The following SLC2A5 variants were observed in gnomAD, a reference collection of about 807,000 sequenced individuals.
SLC2A5 encodes solute carrier family 2, facilitated glucose transporter member 5.
Under a neutral mutation model 50.3 loss-of-function variants are expected in SLC2A5, and 56 were observed. The observed-to-expected ratio is 1.11, with a 90% CI of 0.90 to 1.39. The LOEUF is 1.39. Ranked by LOEUF, SLC2A5 falls within the 40% of genes most tolerant of loss-of-function variation. SLC2A5 has a pLI of 0.00. For synonymous variants in SLC2A5, 269 were observed against 281.9 expected, an observed-to-expected ratio of 0.95 and a Z score of 0.46; for missense variants, 566 against 650.1, an observed-to-expected ratio of 0.87 and a Z score of 1.41.
At chr1:9,080,370 T>C (rs945724592) in intron 2 of SLC2A5, among the ~76,000 whole-genome samples, 4 of 152,208 alleles carry the variant, frequency 2.6e-5, no homozygotes, top group Non-Finnish European at 5.9e-5. Flanking sequence ...TATTTTTAAT[T>C]TTTTTTAGGA....
intron 4 of SLC2A5, among the ~76,000 whole-genome samples, chr1:9,046,841 T>C (rs912493764): frequency 2.6e-5 from 4 of 152,134 alleles, no homozygotes; most frequent in Non-Finnish European, 5.9e-5. Context: ...CCAAATCTCA[T>C]CTCAAATTGT....
chr1:9,041,749 A>G (rs1172357886), intron 5 of SLC2A5, 36 bp downstream of exon 5: 1 of 1,613,938 alleles, frequency 6.2e-7, no homozygotes, highest in Non-Finnish European at 8.5e-7. Context: ...GTAGTGGTGA[A>G]GGGGTGGGGG....
chr1:9,050,624 C>A (rs562493869), intron 3 of SLC2A5, among the ~76,000 whole-genome samples: 1 of 151,846 alleles, frequency 6.6e-6, no homozygotes, highest in Non-Finnish European at 1.5e-5. Context: ...TAGAAGATAG[C>A]TTAGGAAAAA....
At chr1:9,051,790 AC>A (rs1374662649) in intron 3 of SLC2A5, among the ~76,000 whole-genome samples, 3 of 152,020 alleles carry the variant, frequency 2.0e-5, no homozygotes, top group Non-Finnish European at 4.4e-5. Flanking sequence ...CTTGGTATTT[AC>A]CCAAAGGAGC....
chr1:9,038,012 G>A lies in SLC2A5; in HGVS notation c.1187C>T (p.Ala396Val), dbSNP rs775719778. 38 of 1,613,706 alleles carry A rather than the reference G, an allele frequency of 2.4e-5. No individual in the cohort carries two copies. Among genetic ancestry groups the A allele is most frequent in the South Asian group, 5.5e-5 (5 of 91,088 alleles). The change falls in exon 11 of 12, where the codon GCG (alanine) becomes GTG (valine). Residue 396 changes from alanine (A) to valine (V), a missense_variant. Coordinates refer to ENST00000377424, the MANE Select transcript of SLC2A5 (RefSeq NM_003039.3). ...GHALGPSPIP[A>V]LLITEIFLQS... ...CAGGAAGATCTCAGTGATGAGCAGC[G>A]CGGGTATGGGACCTGTAGGGGGAGG...
At chr1:9,050,132 C>G (rs1256598888) in intron 3 of SLC2A5, among the ~76,000 whole-genome samples, 1 of 151,990 alleles carries the variant, frequency 6.6e-6, no homozygotes, top group East Asian at 1.9e-4. Context: ...AAAAAATTAG[C>G]CGGGTATGGT....
At position 9,037,543 on chromosome 1, in the gene SLC2A5, G is replaced by A. The variant is rs376622959; in HGVS notation, c.*43C>T. ...GAAGTCAGAAAAATAAGCCAAAGTG[G>A]GAAGCCCCTGGCAGACCAGCTCCAC... On this transcript the variant is annotated 3_prime_UTR_variant, in exon 12 of 12. Transcript: ENST00000377424. The A allele has an allele frequency of 1.0e-5, 16 of 1,552,324 alleles. No individual in the cohort carries two copies. Among genetic ancestry groups the A allele is most frequent in the Non-Finnish European group, 1.2e-5 (14 of 1,126,548 alleles).
chr1:9,053,497 A>ATTTATATATATTATATATATATATT (rs1557670838), intron 3 of SLC2A5, among the ~76,000 whole-genome samples: 1 of 31,264 alleles, frequency 3.2e-5, no homozygotes, highest in African/African-American at 9.6e-5. Flanking sequence ...ATTTATATAT[A>ATTTATATATATTATATATATATATT]ATATATATTA....
intron 1 of SLC2A5, among the ~76,000 whole-genome samples, chr1:9,065,649 T>C (rs893356387): frequency 1.3e-5 from 2 of 152,170 alleles, no homozygotes; most frequent in South Asian, 2.1e-4. Context: ...CTGGCTCTGC[T>C]GGGCTGTGTG....
At position 9,063,851 on chromosome 1, in the gene SLC2A5, A is replaced by G. The variant is rs558411173; in HGVS notation, c.34-5601T>C. On this transcript the variant is annotated intron_variant, in intron 1 of 11. Coordinates refer to ENST00000377424, the MANE Select transcript of SLC2A5 (RefSeq NM_003039.3). ...GCTGGGACTACAGGCGCCCGCTACCACGCCCGGCTAATTTTTTGTATTTTT... is the reference window on the plus strand; with the variant it reads ...GCTGGGACTACAGGCGCCCGCTACCGCGCCCGGCTAATTTTTTGTATTTTT... Among the ~76,000 whole-genome samples, 354 of 140,804 alleles carry G rather than the reference A, an allele frequency of 2.5e-3. 18 individuals are homozygous for G. Among genetic ancestry groups the G allele is most frequent in the African/African-American group, 9.7e-3 (342 of 35,294 alleles). The allele number at this position is 140,804 out of a possible 152,430, so 92.4% of individuals were successfully genotyped here.
Position 9,079,775 on chromosome 1 carries a change from C to G in SLC2A5, c.-59+5239G>C, listed in dbSNP as rs772116894. Among the ~76,000 whole-genome samples the G allele has an allele frequency of 3.0e-3, 458 of 152,364 alleles. 1 individual carries two copies. Among genetic ancestry groups the G allele is most frequent in the Non-Finnish European group, 4.9e-3 (331 of 68,038 alleles). ...GTGCTGGGATTACAGGCGTGAGCCA[C>G]CACGCCCAGCCGATATCCCTCTTTT... is the stretch of plus-strand genomic sequence containing the variant. On this transcript the variant is annotated intron_variant, in intron 2 of 5. Transcript: ENST00000464985.
At position 9,066,732 on chromosome 1, in the gene SLC2A5, G is replaced by A. The variant is rs772419713; in HGVS notation, c.33+2772C>T. On this transcript the variant is annotated intron_variant, in intron 1 of 11. Coordinates refer to ENST00000377424, the MANE Select transcript of SLC2A5 (RefSeq NM_003039.3). ...GCAGTGGCTCAGGCCTACAATCCAAGCACTTTGGGAGGCTGAGGCAGAAGG... is the reference window on the plus strand; with the variant it reads ...GCAGTGGCTCAGGCCTACAATCCAAACACTTTGGGAGGCTGAGGCAGAAGG... Among the ~76,000 whole-genome samples the A allele has an allele frequency of 3.9e-5, 6 of 152,172 alleles. No individual in the cohort carries two copies. The South Asian group carries it at 1.2e-3, about 32-fold the overall frequency.
At chr1:9,056,249 G>A (rs1177550686) in intron 3 of SLC2A5, among the ~76,000 whole-genome samples, 2 of 152,080 alleles carry the variant, frequency 1.3e-5, no homozygotes, top group South Asian at 4.2e-4. Context: ...GCGATGGTGC[G>A]ATCTTAGCTC....
At chr1:9,043,878 C>T (rs976149882) in intron 4 of SLC2A5, among the ~76,000 whole-genome samples, 15 of 151,798 alleles carry the variant, frequency 9.9e-5, no homozygotes, top group African/African-American at 3.1e-4. Flanking sequence ...CCCGCCACCA[C>T]GCCTGGCTAA....
chr1:9,056,262 G>A (rs181199178), intron 3 of SLC2A5, among the ~76,000 whole-genome samples: 3 of 152,132 alleles, frequency 2.0e-5, no homozygotes, highest in African/African-American at 7.2e-5. Flanking sequence ...CTTAGCTCAC[G>A]GCAACCTCCG....
intron 2 of SLC2A5, among the ~76,000 whole-genome samples, chr1:9,081,488 A>AC (rs1284967386): frequency 6.6e-6 from 1 of 150,472 alleles, no homozygotes; most frequent in East Asian, 1.9e-4. Context: ...AAAAAAAAAA[A>AC]AGTAAAAAGA....
intron 5 of SLC2A5, 149 bp downstream of exon 5, chr1:9,041,636 A>G (rs1211653433): frequency 5.3e-6 from 8 of 1,507,454 alleles, no homozygotes; most frequent in Non-Finnish European, 8.9e-7. Context: ...TTGGCTCGGG[A>G]CAGGATGGGC....
upstream of SLC2A5, among the ~76,000 whole-genome samples, chr1:9,090,612 C>T (rs116597461): frequency 0.012 from 1,800 of 152,308 alleles, 10 homozygotes; most frequent in Non-Finnish European, 0.02. Flanking sequence ...GTCATGAATT[C>T]CTCCCAACAC....
intron 2 of SLC2A5, chr1:9,082,766 C>T: frequency 4.7e-6 from 2 of 422,762 alleles, no homozygotes; most frequent in Non-Finnish European, 9.1e-6. Flanking sequence ...CCAGGCAGCC[C>T]AACCCTGACC....
Sources: gnomAD v4.1 joint callset for allele counts (sites outside exome capture counted in the v4.1 genomes callset) on GRCh38, gnomAD v4.1.1 for gene constraint, MANE v1.5 for transcripts, NCBI Gene and HGNC (gene_info 2026-07-23, HGNC 2026-07-21) for gene names.